The following DYRK4 variants were observed in gnomAD, a reference collection of about 807,000 sequenced individuals.
DYRK4 encodes dual specificity tyrosine-phosphorylation-regulated kinase 4.
In DYRK4, 64 loss-of-function variants were observed where a neutral mutation model predicts 68.3. The observed-to-expected ratio is 0.94, with a 90% CI of 0.77 to 1.15. DYRK4 has a LOEUF of 1.15. Ranked by LOEUF, DYRK4 falls within the 50% of genes most tolerant of loss-of-function variation. The pLI is 0.00. For missense variants in DYRK4, 740 were observed against 764.7 expected, an observed-to-expected ratio of 0.97 and a Z score of 0.38; for synonymous variants, 274 against 289.9, an observed-to-expected ratio of 0.95 and a Z score of 0.56.
chr12:4,585,027 G>A (rs960015214), intron 2 of DYRK4, among the ~76,000 whole-genome samples: 1 of 152,148 alleles, frequency 6.6e-6, no homozygotes, highest in Non-Finnish European at 1.5e-5. Context: ...AGGGGCCCTG[G>A]GTCAGGACTT....
At chr12:4,607,268 C>T in intron 11 of DYRK4, 59 bp from the exon 12 acceptor site, 3 of 1,605,794 alleles carry the variant, frequency 1.9e-6, no homozygotes, top group Admixed American at 1.7e-5. Context: ...CGCTCCACCC[C>T]TCAGCCTTTG....
intron 10 of DYRK4, chr12:4,602,421 G>C (rs943498577): frequency 2.7e-5 from 27 of 989,592 alleles, no homozygotes; most frequent in Non-Finnish European, 4.2e-5. Context: ...TGAGGTCACT[G>C]ATGAGATATG....
chr12:4,588,999 G>T lies in DYRK4; in HGVS notation c.195G>T (p.Met65Ile). ...CTTCCAATATCAAGAACTCCAGAAT[G>T]ACCCAAGTCTTTCATAAGGTAGGGA... The part of the protein sequence containing the change: ...KPPSNIKNSR[M>I]TQVFHKNTSV... Residue 65 changes from methionine to isoleucine, a missense_variant, in exon 3 of 15, where the codon ATG becomes ATT. Met to Ile is a conservative substitution (Grantham distance 10). Coordinates refer to ENST00000543431, the MANE Select transcript of DYRK4 (RefSeq NM_001394779.1). 1 of 1,536,082 alleles carries T rather than the reference G, an allele frequency of 6.5e-7. No homozygotes were observed. The highest frequency in any genetic ancestry group is 1.4e-5 in the African/African-American group (1 of 73,162).
At chr12:4,562,716 G>A (rs1461646484) in intron 1 of DYRK4, among the ~76,000 whole-genome samples, 1 of 152,200 alleles carries the variant, frequency 6.6e-6, no homozygotes, top group African/African-American at 2.4e-5. Flanking sequence ...CGCCTCGCGT[G>A]GATGAGGCTC....
chr12:4,599,685 A>G lies in DYRK4; in HGVS notation c.1045-22A>G, dbSNP rs747912877. Reference sequence around the variant, plus strand: ...TAGGGCCGCATTACTGTAGCTTGACATATGTCTTTTCTTCTCTCTAGGAAA... The same window carrying G: ...TAGGGCCGCATTACTGTAGCTTGACGTATGTCTTTTCTTCTCTCTAGGAAA... On this transcript the variant is annotated intron_variant, in intron 9 of 14. Coordinates refer to ENST00000543431, the MANE Select transcript of DYRK4 (RefSeq NM_001394779.1). The G allele has an allele frequency of 5.0e-6, 8 of 1,593,398 alleles. No individual in the cohort carries two copies. In the South Asian group the frequency reaches 8.9e-5, roughly 18 times the overall value.
At chr12:4,597,948 C>T (rs895632883) in intron 8 of DYRK4, among the ~76,000 whole-genome samples, 5 of 152,140 alleles carry the variant, frequency 3.3e-5, no homozygotes, top group Non-Finnish European at 7.3e-5. Context: ...TGCCTGTAAT[C>T]CCAGCTACTT....
intron 10 of DYRK4, chr12:4,602,321 C>CTTT: frequency 1.1e-6 from 1 of 915,238 alleles, no homozygotes; most frequent in South Asian, 1.3e-5. Flanking sequence ...TCCTCTTCTT[C>CTTT]TATTTTCTGT....
chr12:4,575,000 G>A (rs908943342), intron 2 of DYRK4, among the ~76,000 whole-genome samples: 2 of 152,192 alleles, frequency 1.3e-5, no homozygotes, highest in Admixed American at 6.5e-5. Flanking sequence ...GATCATAGGC[G>A]TGAGCCAATG....
chr12:4,605,357 C>G (rs900853409), intron 11 of DYRK4, among the ~76,000 whole-genome samples: 1 of 152,196 alleles, frequency 6.6e-6, no homozygotes, highest in African/African-American at 2.4e-5. Flanking sequence ...TTACACCGCT[C>G]TTTCAAAAAT....
chr12:4,584,552 C>CTTTTT (rs35018398), intron 2 of DYRK4, among the ~76,000 whole-genome samples: 104 of 103,850 alleles, frequency 1.0e-3, no homozygotes, highest in African/African-American at 3.5e-3. Flanking sequence ...TCTAATCAGC[C>CTTTTT]TTTTTTTTTT....
At chr12:4,588,566 G>A (rs1182936290) in intron 2 of DYRK4, among the ~76,000 whole-genome samples, 1 of 152,218 alleles carries the variant, frequency 6.6e-6, no homozygotes, top group Non-Finnish European at 1.5e-5. Flanking sequence ...AGGGCGAAAA[G>A]ACTTCCAGGC....
chr12:4,577,436 T>C (rs1413758226), intron 2 of DYRK4, among the ~76,000 whole-genome samples: 1 of 152,202 alleles, frequency 6.6e-6, no homozygotes, highest in African/African-American at 2.4e-5. Flanking sequence ...CAATGATCAG[T>C]TGACTATGTT....
intron 11 of DYRK4, among the ~76,000 whole-genome samples, chr12:4,606,988 T>G (rs556608601): frequency 6.6e-6 from 1 of 152,362 alleles, no homozygotes; most frequent in South Asian, 2.1e-4. Flanking sequence ...TGGTGGGATA[T>G]ATCATTCTTT....
chr12:4,589,285 A>G (rs114183128), intron 3 of DYRK4, among the ~76,000 whole-genome samples: 3,814 of 152,250 alleles, frequency 0.025, 169 homozygotes, highest in African/African-American at 0.085. Flanking sequence ...TTTGATGTAG[A>G]TATGCAATGT....
chr12:4,603,456 A>G, intron 10 of DYRK4: 1 of 328,448 alleles, frequency 3.0e-6, no homozygotes, highest in East Asian at 5.0e-5. Flanking sequence ...TCTACTCCAC[A>G]CCGTCCTTCC....
Position 4,591,469 on chromosome 12 carries a change from T to G in DYRK4, c.463+171T>G, listed in dbSNP as rs1254748459. The G allele has an allele frequency of 1.1e-6, 1 of 939,670 alleles. No individual in the cohort carries two copies. The highest frequency in any genetic ancestry group is 1.7e-5 in the African/African-American group (1 of 60,244). The allele number at this position is 939,670 out of a possible 1,614,324, so 58.2% of individuals were successfully genotyped here. The stretch of plus-strand genomic sequence containing the variant: ...CGTTGAACCTCTGACTGTGGTAGTA[T>G]AAGCAAGAGGCTGAATAGGAGGCTG... On this transcript the variant is annotated intron_variant, in intron 5 of 14. Transcript: ENST00000543431. The surrounding 1 kb of genome is among the most constrained non-coding windows in gnomAD (Gnocchi z 4.1).
chr12:4,574,595 C>T (rs1011542475), intron 2 of DYRK4, among the ~76,000 whole-genome samples: 1 of 152,194 alleles, frequency 6.6e-6, no homozygotes, highest in South Asian at 2.1e-4. Flanking sequence ...CACCTCTGTT[C>T]TAGGAACACT....
At chr12:4,598,202 C>T (rs1945040119) in intron 8 of DYRK4, among the ~76,000 whole-genome samples, 1 of 152,062 alleles carries the variant, frequency 6.6e-6, no homozygotes, top group Non-Finnish European at 1.5e-5. Flanking sequence ...AGAGCAAGAC[C>T]CCATCTCTAA....
Position 4,607,379 on chromosome 12 carries a change from C to G in DYRK4, c.1352C>G (p.Thr451Arg). The G allele has an allele frequency of 6.2e-7, 1 of 1,614,180 alleles. No individual in the cohort carries two copies. Among genetic ancestry groups the G allele is most frequent in the South Asian group, 1.1e-5 (1 of 91,088 alleles). The change falls in exon 12 of 15, where the codon ACA becomes AGA. Residue 451 changes from threonine (T) to arginine (R), a missense_variant. This residue lies in a region of DYRK4 where 614 missense variants were observed against 603.7 expected (regional missense o/e 1.02). Coordinates refer to ENST00000543431, the MANE Select transcript of DYRK4 (RefSeq NM_001394779.1). Reference protein sequence around the residue: ...GFIQTASRRQTFFDSKGFPKN... With the variant: ...GFIQTASRRQRFFDSKGFPKN... ...ATTCAGACAGCCTCCAGGAGACAGA[C>G]ATTCTTTGGTAAGTCCTAGTGTGTC...
Sources: gnomAD v4.1 joint callset for allele counts (sites outside exome capture counted in the v4.1 genomes callset) on GRCh38, gnomAD v4.1.1 for gene constraint, gnomAD v4.1.1 regional missense constraint, Gnocchi (gnomAD v3.1) non-coding constraint, MANE v1.5 for transcripts, NCBI Gene and HGNC (gene_info 2026-07-23, HGNC 2026-07-21) for gene names.